The following GABRA5 variants were observed in gnomAD, a reference collection of about 807,000 sequenced individuals.
GABRA5 encodes the protein gamma-aminobutyric acid receptor subunit alpha-5.
In GABRA5, 18 loss-of-function variants were observed where a neutral mutation model predicts 47.3. The observed-to-expected ratio is 0.38, with a 90% CI of 0.26 to 0.56. The LOEUF is 0.56. Ranked by LOEUF, GABRA5 falls within the 20% of genes least tolerant of loss-of-function variation. The pLI, the probability that GABRA5 is intolerant of heterozygous loss-of-function variation, is 0.71. For missense variants in GABRA5, 365 were observed against 599.3 expected, an observed-to-expected ratio of 0.61 and a Z score of 4.08; for synonymous variants, 237 against 229.3, an observed-to-expected ratio of 1.03 and a Z score of -0.30.
At chr15:26,910,876 G>A (rs995390024) in intron 6 of GABRA5, among the ~76,000 whole-genome samples, 2 of 152,082 alleles carry the variant, frequency 1.3e-5, no homozygotes, top group African/African-American at 4.8e-5. Context: ...CGCTATGACA[G>A]TCACCCACTC....
chr15:26,943,379 G>A lies in GABRA5; in HGVS notation c.1042G>A (p.Gly348Ser). ...FATVNYFTKR[G>S]WAWDGKKALE... ...CACGGTCAATTACTTTACCAAGAGA[G>A]GCTGGGCCTGGGATGGCAAAAAAGC... Residue 348 changes from glycine (G) to serine (S), a missense_variant, in exon 10 of 11, where the codon GGC becomes AGC. By Grantham distance (56) the Gly-to-Ser change is moderately conservative. Around this residue, in one of 3 missense-constraint regions of GABRA5, gnomAD observed 43 missense variants for 133.7 expected, o/e 0.32. Transcript: ENST00000335625. The A allele has an allele frequency of 1.3e-6, 2 of 1,599,584 alleles. No homozygotes were observed. The highest frequency in any genetic ancestry group is 1.7e-6 in the Non-Finnish European group (2 of 1,173,048).
intron 3 of GABRA5, among the ~76,000 whole-genome samples, chr15:26,879,354 G>A (rs1892671851): frequency 1.3e-5 from 2 of 152,262 alleles, no homozygotes; most frequent in Middle Eastern, 3.4e-3. Context: ...GAAGAAGAAG[G>A]CTGTTCACTG....
Position 26,874,051 on chromosome 15 carries a change from ACTGT to A in GABRA5, c.86+4721_86+4724del, listed in dbSNP as rs748136989. On this transcript the variant is annotated intron_variant, in intron 3 of 10. Coordinates refer to ENST00000335625, the MANE Select transcript of GABRA5 (RefSeq NM_000810.4). ...TCGGCCAGCGCAGCTCTCCGCCAAG[ACTGT>A]CTGGCAGTCAGCTCGGGAGTGAGTC... 3.9e-5 allele frequency among the ~76,000 whole-genome samples: 6 copies of A among 152,292 alleles called. 1 individual carries two copies. The highest frequency in any genetic ancestry group is 2.6e-4 in the Admixed American group (4 of 15,304).
At chr15:26,911,882 G>A (rs924277268) in intron 6 of GABRA5, among the ~76,000 whole-genome samples, 8 of 152,170 alleles carry the variant, frequency 5.3e-5, no homozygotes, top group Non-Finnish European at 1.2e-4. Flanking sequence ...GGCAGTGTCT[G>A]GAGAGAAGAC....
chr15:26,887,188 A>T lies in GABRA5; in HGVS notation c.497+3631A>T, dbSNP rs1170837234. Among the ~76,000 whole-genome samples, 3 of 152,250 alleles carry T rather than the reference A, an allele frequency of 2.0e-5. No homozygotes were observed. The East Asian group carries it at 5.8e-4, about 29-fold the overall frequency. ...AAAGGTGTCTATTATATTACTTATG[A>T]TACCAAACACTGGAATAAATATTAA... On this transcript the variant is annotated intron_variant, in intron 6 of 10. Transcript: ENST00000335625.
At chr15:26,887,572 G>A (rs529569436) in intron 6 of GABRA5, among the ~76,000 whole-genome samples, 3 of 151,826 alleles carry the variant, frequency 2.0e-5, no homozygotes, top group East Asian at 1.9e-4. Context: ...CCTCAGCCTC[G>A]GCCTCCACCC....
rs781387485 is a variant in GABRA5 at position 26,911,390 on chromosome 15, CACACACAA to C, written c.498-3405_498-3398del. Among the ~76,000 whole-genome samples, 181 of 147,298 alleles carry C rather than the reference CACACACAA, an allele frequency of 1.2e-3. 1 individual carries two copies. In the East Asian group the frequency reaches 0.016, roughly 13 times the overall value. On this transcript the variant is annotated intron_variant, in intron 6 of 10. Coordinates refer to ENST00000335625, the MANE Select transcript of GABRA5 (RefSeq NM_000810.4). Reference sequence around the variant, plus strand: ...CTGCATGCACACACACACACACACACACACACAAACACACACACTCCTGCAATATGCTA... The same window carrying C: ...CTGCATGCACACACACACACACACACACACACACACTCCTGCAATATGCTA...
At chr15:26,937,373 C>A in intron 8 of GABRA5, 45 bp downstream of exon 8, 1 of 1,552,792 alleles carries the variant, frequency 6.4e-7, no homozygotes, top group Non-Finnish European at 8.7e-7. Context: ...ACTCAGGACA[C>A]CACACCCTTG....
intron 7 of GABRA5, among the ~76,000 whole-genome samples, chr15:26,926,373 T>G (rs940546214): frequency 6.6e-6 from 1 of 152,172 alleles, no homozygotes; most frequent in Non-Finnish European, 1.5e-5. Flanking sequence ...ATTTTTGGAA[T>G]TAGAAGAGGA....
intron 7 of GABRA5, among the ~76,000 whole-genome samples, chr15:26,927,447 C>G (rs1443691371): frequency 1.3e-5 from 2 of 152,042 alleles, no homozygotes; most frequent in African/African-American, 4.8e-5. Flanking sequence ...TGATTTGCTT[C>G]AGAGGTTGAT....
chr15:26,893,925 T>C (rs903155699), intron 6 of GABRA5, among the ~76,000 whole-genome samples: 17 of 152,070 alleles, frequency 1.1e-4, no homozygotes, highest in Non-Finnish European at 1.8e-4. Flanking sequence ...CAGCAGGAAA[T>C]CAGACCTCAA....
intron 3 of GABRA5, among the ~76,000 whole-genome samples, chr15:26,880,179 G>A (rs988851798): frequency 6.6e-5 from 10 of 152,128 alleles, no homozygotes; most frequent in Non-Finnish European, 1.3e-4. Context: ...AAATGTTCTT[G>A]TGTCTTCCCT....
intron 6 of GABRA5, among the ~76,000 whole-genome samples, chr15:26,894,447 C>T (rs1444456279): frequency 6.6e-6 from 1 of 152,130 alleles, no homozygotes; most frequent in Admixed American, 6.5e-5. Flanking sequence ...ATCCCGGGCC[C>T]CTCCTTCCCC....
In GABRA5 at chr15:26,869,207, T is replaced by G. The variant is rs1206782295; in HGVS notation, c.-42T>G. 8.6e-7 allele frequency: 1 copy of G among 1,165,356 alleles called. No individual in the cohort carries two copies. The highest frequency in any genetic ancestry group is 1.3e-6 in the Non-Finnish European group (1 of 770,458). 72.2% of individuals were successfully genotyped at this position (1,165,356 alleles called of 1,614,324 possible). ...AACAAGCTGGAGAAGGGAAGAGTTA[T>G]TCCTCCATATTCACCTGCTTCAACT... On this transcript the variant is annotated 5_prime_UTR_variant, in exon 3 of 11. Coordinates refer to ENST00000335625, the MANE Select transcript of GABRA5 (RefSeq NM_000810.4).
chr15:26,941,627 T>C (rs1894386734), intron 9 of GABRA5, among the ~76,000 whole-genome samples: 1 of 152,136 alleles, frequency 6.6e-6, no homozygotes, highest in African/African-American at 2.4e-5. Flanking sequence ...ACTGGGGACT[T>C]ATACAGCAGA....
Position 26,896,213 on chromosome 15 carries a change from C to T in GABRA5, c.497+12656C>T, listed in dbSNP as rs899812750. ...TTCCTGTTGTCTCCAAAGAAACAAA[C>T]ATTTATCGGTGTCTCTGCAAAGTAG... On this transcript the variant is annotated intron_variant, in intron 6 of 10. Transcript: ENST00000335625. Among the ~76,000 whole-genome samples, 5 of 152,260 alleles carry T rather than the reference C, an allele frequency of 3.3e-5. No individual in the cohort carries two copies. The East Asian group carries it at 7.7e-4, about 24-fold the overall frequency.
chr15:26,930,007 T>TTCTTC (rs1491115860), intron 7 of GABRA5, among the ~76,000 whole-genome samples: 17 of 16,160 alleles, frequency 1.1e-3, no homozygotes, highest in South Asian at 3.1e-3. Context: ...CTTCTTCTTC[T>TTCTTC]TTTTTTTTTT....
At chr15:26,884,046 A>G (rs1218021469) in intron 6 of GABRA5, among the ~76,000 whole-genome samples, 1 of 151,840 alleles carries the variant, frequency 6.6e-6, no homozygotes, top group Non-Finnish European at 1.5e-5. Flanking sequence ...AAATTCACCC[A>G]GGCGAGGAGG....
chr15:26,908,581 A>G (rs1893502500), intron 6 of GABRA5, among the ~76,000 whole-genome samples: 1 of 152,220 alleles, frequency 6.6e-6, no homozygotes, highest in South Asian at 2.1e-4. Context: ...TGTTTTTTAC[A>G]AGGCCTCTCA....
Sources: gnomAD v4.1 joint callset for allele counts (sites outside exome capture counted in the v4.1 genomes callset) on GRCh38, gnomAD v4.1.1 for gene constraint, gnomAD v4.1.1 regional missense constraint, MANE v1.5 for transcripts, NCBI Gene and HGNC (gene_info 2026-07-23, HGNC 2026-07-21) for gene names.